LRMDA: variants seen among roughly 807,000 people sequenced by gnomAD.
LRMDA encodes leucine-rich melanocyte differentiation-associated protein.
In LRMDA, 18 loss-of-function variants were observed where a neutral mutation model predicts 29.8. The ratio of observed to expected loss-of-function variants is 0.60; its 90% confidence interval spans 0.42 to 0.90. The LOEUF (loss-of-function observed/expected upper bound fraction) is 0.90, where lower values mean the gene tolerates loss of function less well. Among genes scored for constraint, LRMDA ranks in the 40% least tolerant of loss-of-function variants. The pLI is 0.00. For missense variants in LRMDA, 273 were observed against 273.9 expected (o/e 1.00, Z 0.02); for synonymous variants, 125 against 109.4 (o/e 1.14, Z -0.89).
chr10:76,258,586 T>C (rs1348852056), intron 5 of LRMDA, among the ~76,000 whole-genome samples: 1 of 152,176 alleles, frequency 6.6e-6, no homozygotes, highest in African/African-American at 2.4e-5. Context: ...TTTTTCATCC[T>C]TTAACAAATC....
At chr10:76,181,634 C>T (rs1851052274) in intron 5 of LRMDA, among the ~76,000 whole-genome samples, 1 of 152,158 alleles carries the variant, frequency 6.6e-6, no homozygotes, top group South Asian at 2.1e-4. Flanking sequence ...TGAGATCAGG[C>T]TAGAGGCCAG....
intron 2 of LRMDA, among the ~76,000 whole-genome samples, chr10:75,538,000 C>T (rs1411287936): frequency 6.6e-6 from 1 of 152,164 alleles, no homozygotes; most frequent in Admixed American, 6.5e-5. Flanking sequence ...TCTCTCTGTC[C>T]TCTTTAACCC....
chr10:76,250,546 A>T (rs948480487), intron 5 of LRMDA, among the ~76,000 whole-genome samples: 1 of 152,236 alleles, frequency 6.6e-6, no homozygotes, highest in Non-Finnish European at 1.5e-5. Context: ...GTTTCTCATC[A>T]TGAATAGGTT....
intron 2 of LRMDA, among the ~76,000 whole-genome samples, chr10:75,504,852 A>G (rs1272204545): frequency 1.3e-5 from 2 of 152,184 alleles, no homozygotes; most frequent in Non-Finnish European, 2.9e-5. Flanking sequence ...TTGGCAATTT[A>G]AATCAGGGGA....
intron 6 of LRMDA, among the ~76,000 whole-genome samples, chr10:76,460,951 A>G (rs958814443): frequency 1.3e-5 from 2 of 152,182 alleles, no homozygotes; most frequent in African/African-American, 2.4e-5. Context: ...GTTTCTTCTT[A>G]TATGATCTTG....
chr10:76,044,439 G>GTTTTTTTTTTTTTTTTTT, intron 3 of LRMDA, among the ~76,000 whole-genome samples: 1 of 137,020 alleles, frequency 7.3e-6, no homozygotes, highest in Non-Finnish European at 1.6e-5. Context: ...TTTTTTCTTT[G>GTTTTTTTTTTTTTTTTTT]TTTTTTTTTT....
intron 2 of LRMDA, among the ~76,000 whole-genome samples, chr10:76,027,554 GTGTT>G (rs1848082240): frequency 6.6e-6 from 1 of 152,264 alleles, no homozygotes; most frequent in South Asian, 2.1e-4. Flanking sequence ...ACATTTAAGT[GTGTT>G]TGTGTATGTG....
At chr10:76,162,349 A>T (rs1460749943) in intron 5 of LRMDA, among the ~76,000 whole-genome samples, 1 of 152,222 alleles carries the variant, frequency 6.6e-6, no homozygotes, top group South Asian at 2.1e-4. Flanking sequence ...TACTAGCCCT[A>T]TGAATTTGGG....
At chr10:76,024,935 T>C (rs984353627) in intron 2 of LRMDA, among the ~76,000 whole-genome samples, 1 of 152,204 alleles carries the variant, frequency 6.6e-6, no homozygotes, top group Non-Finnish European at 1.5e-5. Context: ...CCCACCAGGC[T>C]CTGCATTCCG....
chr10:75,908,730 C>T (rs1445320014), intron 2 of LRMDA, among the ~76,000 whole-genome samples: 1 of 152,116 alleles, frequency 6.6e-6, no homozygotes, highest in African/African-American at 2.4e-5. Context: ...TCTTGCTCCA[C>T]GTGGGATCAT....
chr10:76,503,323 G>A (rs1437394291), intron 6 of LRMDA, among the ~76,000 whole-genome samples: 1 of 151,816 alleles, frequency 6.6e-6, no homozygotes, highest in Non-Finnish European at 1.5e-5. Context: ...CCTACGGACT[G>A]GCGCTGACAT....
intron 2 of LRMDA, among the ~76,000 whole-genome samples, chr10:75,949,539 G>A (rs1234269713): frequency 6.6e-6 from 1 of 152,128 alleles, no homozygotes; most frequent in African/African-American, 2.4e-5. Flanking sequence ...AAGGCCATGG[G>A]GTATAATTGG....
intron 5 of LRMDA, among the ~76,000 whole-genome samples, chr10:76,202,137 C>A (rs1851443318): frequency 6.6e-6 from 1 of 152,108 alleles, no homozygotes; most frequent in African/African-American, 2.4e-5. Flanking sequence ...TTTTTTATTG[C>A]TCAAAGCTAG....
intron 2 of LRMDA, among the ~76,000 whole-genome samples, chr10:75,586,344 CTTTTTTTTT>C (rs748097971): frequency 2.1e-4 from 6 of 29,020 alleles, no homozygotes; most frequent in African/African-American, 5.1e-4. Context: ...ACCAACACGT[CTTTTTTTTT>C]TTTTTTTTTT....
chr10:76,055,423 A>G (rs913369984), intron 4 of LRMDA, among the ~76,000 whole-genome samples: 1 of 152,242 alleles, frequency 6.6e-6, no homozygotes, highest in Non-Finnish European at 1.5e-5. Flanking sequence ...CTGGATAAGC[A>G]TATGCAGGCC....
At chr10:75,483,867 G>T (rs1432543268) in intron 2 of LRMDA, among the ~76,000 whole-genome samples, 4 of 119,144 alleles carry the variant, frequency 3.4e-5, no homozygotes, top group Non-Finnish European at 5.1e-5. Context: ...GTATGGAGAG[G>T]TTTTTTTTTT....
intron 6 of LRMDA, among the ~76,000 whole-genome samples, chr10:76,413,218 C>T (rs1156576597): frequency 6.6e-6 from 1 of 152,188 alleles, no homozygotes; most frequent in African/African-American, 2.4e-5. Flanking sequence ...TTTAGCATCT[C>T]TCCTACATAG....
chr10:76,144,478 A>T (rs1190692974), intron 5 of LRMDA, among the ~76,000 whole-genome samples: 1 of 152,020 alleles, frequency 6.6e-6, no homozygotes. Context: ...TTCACTCATG[A>T]TTTGGCTCTC....
chr10:75,759,370 A>C (rs1206816509), intron 2 of LRMDA, among the ~76,000 whole-genome samples: 1 of 152,138 alleles, frequency 6.6e-6, no homozygotes, highest in Non-Finnish European at 1.5e-5. Flanking sequence ...TTAGATCCCT[A>C]ATTAACTTAT....
Sources: gnomAD v4.1 joint callset for allele counts (sites outside exome capture counted in the v4.1 genomes callset) on GRCh38, gnomAD v4.1.1 for gene constraint, MANE v1.5 for transcripts, NCBI Gene and HGNC (gene_info 2026-07-23, HGNC 2026-07-21) for gene names.